The following TRIM3 variants were observed in gnomAD, a reference collection of about 807,000 sequenced individuals.
The protein encoded by TRIM3 is tripartite motif containing 3, also known as tripartite motif-containing protein 3.
In TRIM3, 13 loss-of-function variants were observed where a neutral mutation model predicts 66.6. The observed-to-expected ratio is 0.20, with a 90% CI of 0.13 to 0.31. TRIM3 has a LOEUF of 0.31. TRIM3 is among the 10% of genes least tolerant of loss of function. TRIM3 has a pLI of 1.00. For missense variants in TRIM3, 711 were observed against 1,020.4 expected, an observed-to-expected ratio of 0.70 and a Z score of 4.13; for synonymous variants, 406 against 411.7, an observed-to-expected ratio of 0.99 and a Z score of 0.17.
At position 6,457,279 on chromosome 11, in the gene TRIM3, G is replaced by T; in HGVS notation, c.696+17C>A. The stretch of plus-strand genomic sequence containing the variant: ...TCACAATGGACGATGGTAGGAAAGG[G>T]TGAACACAAGACACACCTTCTGTTT... On this transcript the variant is annotated intron_variant, in intron 5 of 11. Coordinates refer to ENST00000345851, the MANE Select transcript of TRIM3 (RefSeq NM_033278.4). The surrounding 1 kb of genome is among the most constrained non-coding windows in gnomAD (Gnocchi z 4.5). 6.2e-7 allele frequency: 1 copy of T among 1,613,066 alleles called. No homozygotes were observed. The highest frequency in any genetic ancestry group is 8.5e-7 in the Non-Finnish European group (1 of 1,179,396).
chr11:6,466,732 G>A (rs370231602), intron 1 of TRIM3, among the ~76,000 whole-genome samples: 1 of 151,736 alleles, frequency 6.6e-6, no homozygotes, highest in East Asian at 1.9e-4. Flanking sequence ...TCATCTTTCA[G>A]GTCCCCATAT....
intron 1 of TRIM3, among the ~76,000 whole-genome samples, chr11:6,469,941 G>A (rs529037984): frequency 1.3e-5 from 2 of 152,272 alleles, no homozygotes; most frequent in South Asian, 4.1e-4. Flanking sequence ...GCATCAGGAG[G>A]CTGAATCAGA....
In TRIM3 at chr11:6,449,621, T is replaced by G; in HGVS notation, c.1942-175A>C. ...TGCCCTACTGCCTAGTAGACATCTC[T>G]TGCTGATGTCCATTGGGAATATCAA... On this transcript the variant is annotated intron_variant, in intron 10 of 11. Coordinates refer to ENST00000345851, the MANE Select transcript of TRIM3 (RefSeq NM_033278.4). This position sits in a 1 kb window ranked among gnomAD's most constrained non-coding sequence, Gnocchi z 5.3. 7.5e-6 allele frequency: 4 copies of G among 536,752 alleles called. No homozygotes were observed. The highest frequency in any genetic ancestry group is 3.0e-5 in the East Asian group (1 of 33,784). The allele number at this position is 536,752 out of a possible 1,614,324, so 33.2% of individuals were successfully genotyped here.
chr11:6,456,524 G>A lies in TRIM3; in HGVS notation c.1202C>T (p.Ser401Leu). The A allele has an allele frequency of 2.5e-6, 4 of 1,592,078 alleles. No individual in the cohort carries two copies. The highest frequency in any genetic ancestry group is 3.4e-6 in the Non-Finnish European group (4 of 1,164,152). The part of the protein sequence containing the change: ...TARTEGELLL[S>L]VLLYGQPVRG... Reference sequence around the variant, plus strand: ...CACTGGCTGTCCGTAGAGCAGCACCGAGAGGAGCAGCTCGCCTTCCGTGCG... The same window carrying A: ...CACTGGCTGTCCGTAGAGCAGCACCAAGAGGAGCAGCTCGCCTTCCGTGCG... The change falls in exon 6 of 12, where the codon TCG (serine) becomes TTG (leucine). Residue 401 changes from serine (S) to leucine (L), a missense_variant. Physicochemically the swap from Ser to Leu is moderately radical, Grantham distance 145. Coordinates refer to ENST00000345851, the MANE Select transcript of TRIM3 (RefSeq NM_033278.4). This position sits in a 1 kb window ranked among gnomAD's most constrained non-coding sequence, Gnocchi z 6.4.
chr11:6,466,937 T>C (rs1319917907), intron 1 of TRIM3, among the ~76,000 whole-genome samples: 1 of 152,234 alleles, frequency 6.6e-6, no homozygotes, highest in African/African-American at 2.4e-5. Flanking sequence ...TATTTATTTA[T>C]ATTTTATTTT....
intron 7 of TRIM3, 175 bp from the exon 8 acceptor site, chr11:6,451,613 G>C: frequency 1.6e-6 from 1 of 634,164 alleles, no homozygotes; most frequent in Non-Finnish European, 2.7e-6. Context: ...ATGCAACAGA[G>C]ATATGAATGG....
Position 6,450,769 on chromosome 11 carries a change from C to CGTAA in TRIM3, c.1870+119_1870+122dup, listed in dbSNP as rs1169317760. On this transcript the variant is annotated intron_variant, in intron 9 of 11. Coordinates refer to ENST00000345851, the MANE Select transcript of TRIM3 (RefSeq NM_033278.4). This position sits in a 1 kb window ranked among gnomAD's most constrained non-coding sequence, Gnocchi z 4.8. ...ATTATTTCTGAGATGATAGGGCTAA[C>CGTAA]GTAAGGGAAGTGGGATCTCCAGAGC... The CGTAA allele has an allele frequency of 1.4e-5, 21 of 1,463,188 alleles. No individual in the cohort carries two copies. In the Middle Eastern group the frequency reaches 6.0e-4, roughly 42 times the overall value. The allele number at this position is 1,463,188 out of a possible 1,614,324, so 90.6% of individuals were successfully genotyped here.
In TRIM3 at chr11:6,449,372, G is replaced by C; in HGVS notation, c.2016C>G (p.Pro672=). The change falls in exon 11 of 12, where the codon CCC becomes CCG. Residue 672 remains proline, a synonymous_variant. Transcript: ENST00000345851. This position sits in a 1 kb window ranked among gnomAD's most constrained non-coding sequence, Gnocchi z 5.3. ...HGEGNGQFNA[P]TGVAVDSNGN... is the part of the protein sequence containing the mutation. ...CATTGGAGTCCACAGCTACTCCTGT[G>C]GGGGCATTGAACTGCCCATTGCCCT... The C allele has an allele frequency of 6.2e-6, 10 of 1,614,120 alleles. No individual in the cohort carries two copies. Among genetic ancestry groups the C allele is most frequent in the Non-Finnish European group, 8.5e-6 (10 of 1,179,990 alleles).
chr11:6,452,039 G>A (rs1322595744), intron 7 of TRIM3: 1 of 153,362 alleles, frequency 6.5e-6, no homozygotes, highest in Admixed American at 6.5e-5. Context: ...AATGATGATG[G>A]CTTGGACCAA....
In TRIM3 at chr11:6,450,450, A is replaced by C; in HGVS notation, c.1941+101T>G. ...GTGTAAATGTGTATTGTTTGAGTGAATGATCTCAAAGGGGAAAAGGAGGAG... is the reference window on the plus strand; with the variant it reads ...GTGTAAATGTGTATTGTTTGAGTGACTGATCTCAAAGGGGAAAAGGAGGAG... On this transcript the variant is annotated intron_variant, in intron 10 of 11. Coordinates refer to ENST00000345851, the MANE Select transcript of TRIM3 (RefSeq NM_033278.4). This position sits in a 1 kb window ranked among gnomAD's most constrained non-coding sequence, Gnocchi z 4.8. 2.0e-6 allele frequency: 2 copies of C among 1,016,228 alleles called. No homozygotes were observed. The highest frequency in any genetic ancestry group is 3.1e-6 in the Non-Finnish European group (2 of 644,964). 63.0% of individuals were successfully genotyped at this position (1,016,228 alleles called of 1,614,324 possible).
Position 6,456,981 on chromosome 11 carries a change from C to T in TRIM3, c.745G>A (p.Gly249Ser), listed in dbSNP as rs372369027. 4.4e-6 allele frequency: 7 copies of T among 1,605,860 alleles called. No homozygotes were observed. In the East Asian group the frequency reaches 6.7e-5, roughly 15 times the overall value. Residue 249 changes from glycine to serine, a missense_variant, in exon 6 of 12, where the codon GGC (glycine) becomes AGC (serine). Gly to Ser is a moderately conservative substitution (Grantham distance 56, BLOSUM62 0). Transcript: ENST00000345851. The surrounding 1 kb of genome is among the most constrained non-coding windows in gnomAD (Gnocchi z 6.4). The stretch of plus-strand genomic sequence containing the variant: ...TGCTCTGCAAAGCTGCAGCTACTGC[C>T]GATGTGTTCCTGACCCTGGCGCAGT... ...DTLRQGQEHIGSSCSFAEQAL... is the reference protein window; with the variant it reads ...DTLRQGQEHISSSCSFAEQAL...
Position 6,458,935 on chromosome 11 carries a change from T to A in TRIM3, c.132-639A>T, listed in dbSNP as rs762763007. On this transcript the variant is annotated intron_variant, in intron 2 of 11. Coordinates refer to ENST00000345851, the MANE Select transcript of TRIM3 (RefSeq NM_033278.4). This position sits in a 1 kb window ranked among gnomAD's most constrained non-coding sequence, Gnocchi z 6.2. ...GAGTGTTAGAGGATTACATGTAAAG[T>A]ACTTACTTATATTTGAAGAGGATTA... Among the ~76,000 whole-genome samples the A allele has an allele frequency of 2.6e-4, 39 of 152,228 alleles. 1 individual carries two copies. The highest frequency in any genetic ancestry group is 1.7e-3 in the Admixed American group (26 of 15,286).
chr11:6,458,008 C>T lies in TRIM3; in HGVS notation c.363+57G>A. The T allele has an allele frequency of 6.4e-7, 1 of 1,550,996 alleles. No homozygotes were observed. ...CCCAGCCACTCGGCACCCCCCAATG[C>T]CTCTCCTCCTCCTCCCACCCCAAGT... On this transcript the variant is annotated intron_variant, in intron 3 of 11. Transcript: ENST00000345851. This position sits in a 1 kb window ranked among gnomAD's most constrained non-coding sequence, Gnocchi z 6.2.
chr11:6,458,789 AG>A lies in TRIM3; in HGVS notation c.132-494del, dbSNP rs1400347575. ...GATTAAGGGAATGGGTCCTGGAGCT[AG>A]GCTGCCCAGGCCCAACACCCCGTTG... On this transcript the variant is annotated intron_variant, in intron 2 of 11. Coordinates refer to ENST00000345851, the MANE Select transcript of TRIM3 (RefSeq NM_033278.4). This position sits in a 1 kb window ranked among gnomAD's most constrained non-coding sequence, Gnocchi z 6.2. Among the ~76,000 whole-genome samples the A allele has an allele frequency of 6.6e-6, 1 of 151,920 alleles. No individual in the cohort carries two copies. The highest frequency in any genetic ancestry group is 2.4e-5 in the African/African-American group (1 of 41,152).
At position 6,449,282 on chromosome 11, in the gene TRIM3, A is replaced by G. The variant is rs763748898; in HGVS notation, c.2082+24T>C. The G allele has an allele frequency of 1.2e-6, 2 of 1,611,724 alleles. No individual in the cohort carries two copies. The highest frequency in any genetic ancestry group is 1.7e-5 in the Admixed American group (1 of 59,968). Reference sequence around the variant, plus strand: ...GGACACACCAGGAAACCGCCCCCTCATGTCATTCCCAGGCCTTACTCACCT... The same window carrying G: ...GGACACACCAGGAAACCGCCCCCTCGTGTCATTCCCAGGCCTTACTCACCT... On this transcript the variant is annotated intron_variant, in intron 11 of 11. Coordinates refer to ENST00000345851, the MANE Select transcript of TRIM3 (RefSeq NM_033278.4). The surrounding 1 kb of genome is among the most constrained non-coding windows in gnomAD (Gnocchi z 5.3).
Position 6,450,867 on chromosome 11 carries a change from A to G in TRIM3, c.1870+25T>C. On this transcript the variant is annotated intron_variant, in intron 9 of 11. Coordinates refer to ENST00000345851, the MANE Select transcript of TRIM3 (RefSeq NM_033278.4). This position sits in a 1 kb window ranked among gnomAD's most constrained non-coding sequence, Gnocchi z 4.8. ...TTCTCTGGAACAGGGGTATCAGCAT[A>G]GATCTTGGAGCTGTCCCCCTATACC... 6.2e-7 allele frequency: 1 copy of G among 1,613,462 alleles called. No homozygotes were observed. The highest frequency in any genetic ancestry group is 8.5e-7 in the Non-Finnish European group (1 of 1,179,576).
chr11:6,464,666 C>T (rs1009856680), intron 2 of TRIM3, among the ~76,000 whole-genome samples: 12 of 152,036 alleles, frequency 7.9e-5, no homozygotes, highest in African/African-American at 2.9e-4. Flanking sequence ...CACATGTTCC[C>T]CATAAATATG....
intron 7 of TRIM3, 199 bp from the exon 8 acceptor site, chr11:6,451,637 T>C (rs758919729): frequency 3.4e-6 from 2 of 585,870 alleles, no homozygotes; most frequent in African/African-American, 1.9e-5. Flanking sequence ...TGTGAGAACA[T>C]GAAGGGATGA....
intron 7 of TRIM3, among the ~76,000 whole-genome samples, chr11:6,454,862 G>A (rs909985868): frequency 6.6e-6 from 1 of 152,120 alleles, no homozygotes; most frequent in Non-Finnish European, 1.5e-5. Flanking sequence ...ACTCAAGCAG[G>A]GTCAGGAAGT....
Sources: allele counts gnomAD v4.1 joint callset (sites outside exome capture counted in the v4.1 genomes callset), GRCh38; gene constraint gnomAD v4.1.1; non-coding constraint Gnocchi (gnomAD v3.1); transcripts MANE v1.5; gene names NCBI Gene and HGNC (gene_info 2026-07-23, HGNC 2026-07-21).